Variants in RBMS3 observed in about 807,000 individuals in gnomAD.
RBMS3 encodes RNA binding motif single stranded interacting protein 3.
Under a neutral mutation model 66.8 loss-of-function variants are expected in RBMS3, and 27 were observed. The ratio of observed to expected loss-of-function variants is 0.40; its 90% confidence interval spans 0.30 to 0.56. The LOEUF is 0.56. Ranked by LOEUF, RBMS3 falls within the 20% of genes least tolerant of loss-of-function variation. The pLI is 0.40. For synonymous variants in RBMS3, 188 were observed against 183.0 expected (o/e 1.03, Z -0.22); for missense variants, 513 against 549.5 (o/e 0.93, Z 0.66).
chr3:29,530,955 A>C lies in RBMS3; in HGVS notation c.307+42456A>C, dbSNP rs562640215. Among the ~76,000 whole-genome samples the C allele has an allele frequency of 1.1e-4, 17 of 152,234 alleles. No individual in the cohort carries two copies. The East Asian group carries it at 3.3e-3, about 29-fold the overall frequency. On this transcript the variant is annotated intron_variant, in intron 3 of 14. Coordinates refer to ENST00000383767, the MANE Select transcript of RBMS3 (RefSeq NM_001003793.3). ...CATAAACATGTAGTTAAAATGTCCC[A>C]AAAATGGTGGGATCAGAATACCCTT... is the stretch of plus-strand genomic sequence containing the variant.
At chr3:29,728,528 G>A (rs908800926) in intron 4 of RBMS3, among the ~76,000 whole-genome samples, 1 of 152,060 alleles carries the variant, frequency 6.6e-6, no homozygotes, top group Non-Finnish European at 1.5e-5. Flanking sequence ...AAGTCACCAG[G>A]TTAATATAAG....
chr3:29,337,111 T>C (rs2036001184), intron 1 of RBMS3, among the ~76,000 whole-genome samples: 1 of 152,144 alleles, frequency 6.6e-6, no homozygotes, highest in Non-Finnish European at 1.5e-5. Context: ...CTTATCCCTT[T>C]TGTTATTTTT....
At chr3:29,605,856 G>A (rs1008855912) in intron 4 of RBMS3, among the ~76,000 whole-genome samples, 1 of 151,764 alleles carries the variant, frequency 6.6e-6, no homozygotes, top group Non-Finnish European at 1.5e-5. Flanking sequence ...GCACTTCCAA[G>A]AAGATCGTCA....
At chr3:29,990,420 C>T (rs1172151724) in intron 13 of RBMS3, among the ~76,000 whole-genome samples, 1 of 139,962 alleles carries the variant, frequency 7.1e-6, no homozygotes, top group Non-Finnish European at 1.5e-5. Context: ...CTGATTGTGA[C>T]CAATTCCGGA....
intron 3 of RBMS3, among the ~76,000 whole-genome samples, chr3:29,567,058 A>G (rs1303232780): frequency 6.6e-6 from 1 of 152,136 alleles, no homozygotes; most frequent in Non-Finnish European, 1.5e-5. Context: ...TATTTGTGAT[A>G]AGCATACCAC....
At chr3:29,621,489 T>C (rs930518910) in intron 4 of RBMS3, among the ~76,000 whole-genome samples, 3 of 152,154 alleles carry the variant, frequency 2.0e-5, no homozygotes, top group Admixed American at 6.5e-5. Flanking sequence ...CTCTCTGTTG[T>C]TGATCAAATA....
chr3:29,535,395 A>G (rs2045514455), intron 3 of RBMS3, among the ~76,000 whole-genome samples: 3 of 152,242 alleles, frequency 2.0e-5, no homozygotes, highest in South Asian at 4.1e-4. Context: ...GTTTTTCATT[A>G]TATGTTAAAC....
intron 1 of RBMS3, among the ~76,000 whole-genome samples, chr3:29,361,605 G>A (rs369055371): frequency 6.6e-6 from 1 of 152,124 alleles, no homozygotes; most frequent in African/African-American, 2.4e-5. Context: ...GCCTTGCTAG[G>A]TTGGGGAAGT....
chr3:29,489,129 T>A (rs2043432065), intron 3 of RBMS3, among the ~76,000 whole-genome samples: 1 of 152,234 alleles, frequency 6.6e-6, no homozygotes, highest in Non-Finnish European at 1.5e-5. Context: ...CTCTCTTGCA[T>A]GACTCAGTTC....
chr3:29,862,309 G>A (rs866245205), intron 6 of RBMS3, among the ~76,000 whole-genome samples: 27 of 152,222 alleles, frequency 1.8e-4, no homozygotes, highest in Middle Eastern at 6.8e-3. Flanking sequence ...TGGGTTCATT[G>A]ACCTTACTGT....
At chr3:29,840,712 A>G (rs1202581259) in intron 6 of RBMS3, among the ~76,000 whole-genome samples, 2 of 152,060 alleles carry the variant, frequency 1.3e-5, no homozygotes, top group African/African-American at 4.8e-5. Context: ...GTACCTAGAC[A>G]GCATTCCATT....
chr3:29,990,460 CAAAAAAAAAAA>C (rs10596526), intron 13 of RBMS3, among the ~76,000 whole-genome samples: 10 of 106,498 alleles, frequency 9.4e-5, no homozygotes, highest in African/African-American at 2.9e-4. Context: ...CTGTGAGAAA[CAAAAAAAAAAA>C]AAAAAAAAAA....
chr3:29,372,468 C>A (rs1167038733), intron 1 of RBMS3, among the ~76,000 whole-genome samples: 1 of 151,730 alleles, frequency 6.6e-6, no homozygotes, highest in African/African-American at 2.4e-5. Context: ...CAGGATGTTA[C>A]CTAGTAAATA....
At chr3:29,662,138 T>C (rs1392222229) in intron 4 of RBMS3, among the ~76,000 whole-genome samples, 1 of 152,176 alleles carries the variant, frequency 6.6e-6, no homozygotes, top group Non-Finnish European at 1.5e-5. Flanking sequence ...GATTGTTCTG[T>C]TAAAAATACA....
At chr3:29,477,635 C>A (rs563153614) in intron 2 of RBMS3, among the ~76,000 whole-genome samples, 33 of 151,488 alleles carry the variant, frequency 2.2e-4, no homozygotes, top group African/African-American at 8.0e-4. Flanking sequence ...AAGATATGCC[C>A]AAAATCCTAT....
chr3:29,898,692 G>A (rs2060182803), intron 9 of RBMS3, among the ~76,000 whole-genome samples: 1 of 150,542 alleles, frequency 6.6e-6, no homozygotes, highest in Non-Finnish European at 1.5e-5. Flanking sequence ...TGCAGGTTCT[G>A]TTCAGTTTTT....
At chr3:29,322,646 C>T (rs557442056) in intron 1 of RBMS3, among the ~76,000 whole-genome samples, 23 of 151,956 alleles carry the variant, frequency 1.5e-4, no homozygotes, top group African/African-American at 5.5e-4. Context: ...TGGCCATACT[C>T]CAGACACTGG....
At chr3:29,734,616 G>C (rs2054297965) in intron 4 of RBMS3, among the ~76,000 whole-genome samples, 1 of 152,002 alleles carries the variant, frequency 6.6e-6, no homozygotes, top group African/African-American at 2.4e-5. Context: ...GACCCATAGG[G>C]TGTTCCATTA....
intron 1 of RBMS3, among the ~76,000 whole-genome samples, chr3:29,348,322 A>G (rs1215374410): frequency 3.9e-5 from 6 of 152,214 alleles, no homozygotes; most frequent in Non-Finnish European, 8.8e-5. Flanking sequence ...ATTTCAGGCA[A>G]ATTTATCTCT....
Sources: gnomAD v4.1 joint callset for allele counts (sites outside exome capture counted in the v4.1 genomes callset) on GRCh38, gnomAD v4.1.1 for gene constraint, MANE v1.5 for transcripts, NCBI Gene and HGNC (gene_info 2026-07-23, HGNC 2026-07-21) for gene names.